PRKN: variants seen among roughly 807,000 people sequenced by gnomAD.
PRKN encodes parkin RBR E3 ubiquitin protein ligase.
A neutral mutation model predicts 59.5 loss-of-function variants in PRKN; 56 were observed. The observed-to-expected ratio is 0.94, with a 90% CI of 0.76 to 1.18. The LOEUF is 1.18. Ranked by LOEUF, PRKN falls within the 50% of genes most tolerant of loss-of-function variation. The probability of loss-of-function intolerance (pLI) is 0.00; values close to 1 mark genes in which losing one functional copy is unlikely to be tolerated. For missense variants in PRKN, 657 were observed against 596.4 expected (o/e 1.10, Z -1.06); for synonymous variants, 250 against 222.1 (o/e 1.13, Z -1.12).
chr6:162,380,272 A>G (rs1360748982), intron 2 of PRKN, among the ~76,000 whole-genome samples: 1 of 151,870 alleles, frequency 6.6e-6, no homozygotes, highest in African/African-American at 2.4e-5. Flanking sequence ...TCATCAGTTT[A>G]CAGAAGAGAT....
intron 1 of PRKN, among the ~76,000 whole-genome samples, chr6:162,690,029 T>C (rs1777715576): frequency 6.6e-6 from 1 of 152,060 alleles, no homozygotes; most frequent in Non-Finnish European, 1.5e-5. Flanking sequence ...AAGATATTCA[T>C]GTGGGTTAAA....
At chr6:162,148,282 CAG>C (rs1339369718) in intron 4 of PRKN, among the ~76,000 whole-genome samples, 1 of 151,972 alleles carries the variant, frequency 6.6e-6, no homozygotes, top group Admixed American at 6.6e-5. Context: ...ACCTTTTAAA[CAG>C]AGTTATCTGA....
chr6:162,654,182 G>C (rs908371653), intron 1 of PRKN, among the ~76,000 whole-genome samples: 5 of 152,324 alleles, frequency 3.3e-5, no homozygotes, highest in Admixed American at 2.6e-4. Context: ...TAACAGTCGA[G>C]CTTCCACATT....
intron 1 of PRKN, among the ~76,000 whole-genome samples, chr6:162,666,474 T>C (rs888363047): frequency 1.6e-4 from 24 of 152,196 alleles, no homozygotes; most frequent in African/African-American, 5.3e-4. Context: ...AAATTTCCTA[T>C]CTCCACAGAG....
At chr6:162,224,733 C>G (rs1311000006) in intron 3 of PRKN, among the ~76,000 whole-genome samples, 1 of 152,056 alleles carries the variant, frequency 6.6e-6, no homozygotes, top group African/African-American at 2.4e-5. Flanking sequence ...GGGCACGGAC[C>G]CACCCTGACC....
At chr6:161,725,223 A>T (rs1240864184) in intron 7 of PRKN, among the ~76,000 whole-genome samples, 1 of 152,214 alleles carries the variant, frequency 6.6e-6, no homozygotes, top group Non-Finnish European at 1.5e-5. Context: ...TAAATGTTCA[A>T]ATGATTAAAA....
intron 5 of PRKN, among the ~76,000 whole-genome samples, chr6:162,032,797 G>A (rs1783690429): frequency 6.6e-6 from 1 of 152,182 alleles, no homozygotes; most frequent in South Asian, 2.1e-4. Context: ...GTGGCAGAAT[G>A]AGAAACCACA....
rs570011866 is a variant in PRKN, at chr6:161,479,255, G to C, written c.1083+69599C>G. 5.9e-5 allele frequency among the ~76,000 whole-genome samples: 9 copies of C among 152,132 alleles called. 1 individual carries two copies. In the South Asian group the frequency reaches 1.9e-3, roughly 32 times the overall value. On this transcript the variant is annotated intron_variant, in intron 9 of 11. Coordinates refer to ENST00000366898, the MANE Select transcript of PRKN (RefSeq NM_004562.3). Reference sequence around the variant, plus strand: ...ATTTAGTACGTACATGCCCATAATAGAGCAGTTCATAAAACACTATCTACG... The same window carrying C: ...ATTTAGTACGTACATGCCCATAATACAGCAGTTCATAAAACACTATCTACG...
intron 2 of PRKN, among the ~76,000 whole-genome samples, chr6:162,373,173 A>C (rs1785864298): frequency 6.6e-6 from 1 of 152,222 alleles, no homozygotes; most frequent in Non-Finnish European, 1.5e-5. Context: ...ATGGTTAACG[A>C]TGTGTAACTA....
intron 5 of PRKN, among the ~76,000 whole-genome samples, chr6:162,034,296 A>C (rs1300013397): frequency 6.6e-6 from 1 of 151,824 alleles, no homozygotes; most frequent in Admixed American, 6.6e-5. Context: ...AACAACCCTT[A>C]TGGAAGATGC....
At chr6:162,052,395 T>A (rs569770057) in intron 5 of PRKN, among the ~76,000 whole-genome samples, 1 of 152,356 alleles carries the variant, frequency 6.6e-6, no homozygotes, top group South Asian at 2.1e-4. Context: ...ATCCTTATAC[T>A]CTATCCTTGA....
chr6:162,596,974 C>T (rs1781517507), intron 1 of PRKN, among the ~76,000 whole-genome samples: 2 of 152,158 alleles, frequency 1.3e-5, no homozygotes, highest in South Asian at 4.1e-4. Flanking sequence ...GTTTCAGACA[C>T]ACGTGACCTT....
intron 3 of PRKN, among the ~76,000 whole-genome samples, chr6:162,220,029 C>A (rs1198544834): frequency 6.6e-5 from 10 of 152,012 alleles, no homozygotes; most frequent in Non-Finnish European, 1.5e-5. Context: ...AAAAGACTCC[C>A]TATTCAATAA....
At position 161,451,926 on chromosome 6, in the gene PRKN, T is replaced by A. The variant is rs975891708; in HGVS notation, c.1084-65049A>T. 6.8e-6 allele frequency among the ~76,000 whole-genome samples: 1 copy of A among 146,858 alleles called. No individual in the cohort carries two copies. Among genetic ancestry groups the A allele is most frequent in the Non-Finnish European group, 1.5e-5 (1 of 67,986 alleles). On this transcript the variant is annotated intron_variant, in intron 9 of 11. Coordinates refer to ENST00000366898, the MANE Select transcript of PRKN (RefSeq NM_004562.3). This position sits in a 1 kb window ranked among gnomAD's most constrained non-coding sequence, Gnocchi z 5.9. ...TTTAAGACATTCTTTTTTTTCTTTT[T>A]TCTTTTCTTTTCTTTTACTTTTTTC... is the stretch of plus-strand genomic sequence containing the variant.
chr6:162,698,533 A>C (rs895949553), intron 1 of PRKN, among the ~76,000 whole-genome samples: 1 of 152,100 alleles, frequency 6.6e-6, no homozygotes, highest in Non-Finnish European at 1.5e-5. Context: ...TGGCTTGCAA[A>C]GTCAAAAGGC....
At chr6:162,454,521 G>C (rs1265582313) in intron 1 of PRKN, among the ~76,000 whole-genome samples, 2 of 152,144 alleles carry the variant, frequency 1.3e-5, no homozygotes, top group Non-Finnish European at 2.9e-5. Flanking sequence ...AATAAAAGTG[G>C]CTTGCCCAAA....
At chr6:162,567,051 A>G (rs553569041) in intron 1 of PRKN, among the ~76,000 whole-genome samples, 84 of 152,342 alleles carry the variant, frequency 5.5e-4, no homozygotes, top group African/African-American at 1.9e-3. Context: ...GCATTTAATA[A>G]AATTCAACAT....
intron 7 of PRKN, among the ~76,000 whole-genome samples, chr6:161,688,626 C>T (rs182773671): frequency 1.6e-4 from 25 of 152,230 alleles, no homozygotes; most frequent in Admixed American, 1.2e-3. Flanking sequence ...ACTAGTATAG[C>T]GGCGCAAATA....
intron 4 of PRKN, among the ~76,000 whole-genome samples, chr6:162,170,471 A>T (rs1783221723): frequency 6.6e-6 from 1 of 152,224 alleles, no homozygotes; most frequent in African/African-American, 2.4e-5. Flanking sequence ...ACAAAAACCA[A>T]ACAAAATACA....
Sources: gnomAD v4.1 joint callset for allele counts (sites outside exome capture counted in the v4.1 genomes callset) on GRCh38, gnomAD v4.1.1 for gene constraint, Gnocchi (gnomAD v3.1) non-coding constraint, MANE v1.5 for transcripts, NCBI Gene and HGNC (gene_info 2026-07-23, HGNC 2026-07-21) for gene names.